IL18RAP: variants seen among roughly 807,000 people sequenced by gnomAD.
The protein encoded by IL18RAP is interleukin-18 receptor accessory protein.
In IL18RAP, 37 loss-of-function variants were observed where a neutral mutation model predicts 58.1. The observed-to-expected ratio is 0.64, with a 90% CI of 0.49 to 0.84. IL18RAP has a LOEUF of 0.84. IL18RAP is among the 40% of genes least tolerant of loss of function. IL18RAP has a pLI of 0.00. For missense variants in IL18RAP, 667 were observed against 704.8 expected (o/e 0.95, Z 0.61); for synonymous variants, 268 against 257.5 (o/e 1.04, Z -0.39).
At chr2:102,445,475 G>A (rs1008684194) in intron 7 of IL18RAP, 135 bp downstream of exon 7, 2 of 893,196 alleles carry the variant, frequency 2.2e-6, no homozygotes, top group Admixed American at 2.6e-5. Flanking sequence ...GCACTTTCCT[G>A]GTGTCAACCC....
In IL18RAP at chr2:102,423,220, A is replaced by C; in HGVS notation, c.-58A>C. ...AGGGCAGAGTTCTGAATCTCAAAAC[A>C]CTCTACTCTGGCAAAGGAATGAAGT... is the stretch of plus-strand genomic sequence containing the variant. On this transcript the variant is annotated 5_prime_UTR_variant, in exon 1 of 10. Coordinates refer to ENST00000687160, the MANE Select transcript of IL18RAP (RefSeq NM_001393487.1). 2 of 1,508,802 alleles carry C rather than the reference A, an allele frequency of 1.3e-6. No homozygotes were observed. The highest frequency in any genetic ancestry group is 1.8e-6 in the Non-Finnish European group (2 of 1,084,404). The allele number at this position is 1,508,802 out of a possible 1,614,324, so 93.5% of individuals were successfully genotyped here.
chr2:102,443,126 G>C (rs542593932), intron 5 of IL18RAP, 74 bp from the exon 6 acceptor site: 40 of 1,465,040 alleles, frequency 2.7e-5, no homozygotes, highest in Admixed American at 4.5e-5. Context: ...TTCTGGCGAC[G>C]TCTTCCTCCC....
At chr2:102,430,356 T>C (rs1208142385) in intron 3 of IL18RAP, among the ~76,000 whole-genome samples, 1 of 152,058 alleles carries the variant, frequency 6.6e-6, no homozygotes. Context: ...GTCTATTTTG[T>C]CTGATATAAG....
chr2:102,430,256 A>G (rs1682247356), intron 3 of IL18RAP, among the ~76,000 whole-genome samples: 1 of 152,168 alleles, frequency 6.6e-6, no homozygotes, highest in South Asian at 2.1e-4. Context: ...GTGCCTATGT[A>G]TCTACAATTG....
At chr2:102,420,705 C>T (rs1330494392), upstream of IL18RAP, among the ~76,000 whole-genome samples, 1 of 152,128 alleles carries the variant, frequency 6.6e-6, no homozygotes, top group East Asian at 1.9e-4. Context: ...ACAAATATCC[C>T]GACTTAAACA....
At chr2:102,421,261 T>C (rs779506220), upstream of IL18RAP, among the ~76,000 whole-genome samples, 1 of 120,760 alleles carries the variant, frequency 8.3e-6, no homozygotes, top group Non-Finnish European at 1.7e-5. Context: ...GCAAGAGAGA[T>C]GGTTGATGGC....
In IL18RAP at chr2:102,441,352, C is replaced by A. The variant is rs781511048; in HGVS notation, c.771C>A (p.Val257=). 5.6e-6 allele frequency: 9 copies of A among 1,613,144 alleles called. No homozygotes were observed. In the South Asian group the frequency reaches 8.8e-5, roughly 16 times the overall value. ...TCAAACCAGATATTCTGGATCCTGT[C>A]GAGGACACACTGGAAGTAGAACTTG... ...TKLKPDILDP[V]EDTLEVELGK... The change falls in exon 5 of 10, where the codon GTC becomes GTA. Residue 257 remains valine, a synonymous_variant. Transcript: ENST00000687160.
rs114939355 is a variant in IL18RAP at position 102,444,725 on chromosome 2, C to T, written c.921-464C>T. On this transcript the variant is annotated intron_variant, in intron 6 of 9. Transcript: ENST00000687160. ...CCATTCCCTGCAGTGTGGTCTGGGGCTACTCACCCACCTTCTTTGCCTTGT... is the reference window on the plus strand; with the variant it reads ...CCATTCCCTGCAGTGTGGTCTGGGGTTACTCACCCACCTTCTTTGCCTTGT... Among the ~76,000 whole-genome samples the T allele has an allele frequency of 2.0e-3, 304 of 152,282 alleles. 1 individual carries two copies. The highest frequency in any genetic ancestry group is 6.8e-3 in the African/African-American group (283 of 41,556).
chr2:102,421,242 A>C (rs144310065), upstream of IL18RAP, among the ~76,000 whole-genome samples: 216 of 151,362 alleles, frequency 1.4e-3, 4 homozygotes, highest in East Asian at 0.035. Context: ...AAGTCATTTA[A>C]AATGAGTAGC....
intron 6 of IL18RAP, among the ~76,000 whole-genome samples, chr2:102,443,777 A>G (rs895618942): frequency 4.6e-5 from 7 of 152,166 alleles, no homozygotes; most frequent in Non-Finnish European, 8.8e-5. Flanking sequence ...GAAGTGAGGA[A>G]TACCTGAAGC....
chr2:102,437,167 T>C (rs184485380), intron 3 of IL18RAP, 45 bp from the exon 4 acceptor site: 20 of 1,570,290 alleles, frequency 1.3e-5, no homozygotes. Flanking sequence ...TTTCATAAAG[T>C]TTTTCTGTGG....
At chr2:102,429,216 C>G (rs1032793524) in intron 3 of IL18RAP, among the ~76,000 whole-genome samples, 1 of 151,686 alleles carries the variant, frequency 6.6e-6, no homozygotes, top group Non-Finnish European at 1.5e-5. Flanking sequence ...ATAAAATTAG[C>G]TTGGAAGTTT....
chr2:102,434,916 T>C (rs1263835151), intron 3 of IL18RAP: 1 of 152,182 alleles, frequency 6.6e-6, no homozygotes, highest in African/African-American at 2.4e-5. Flanking sequence ...AACCATCTGT[T>C]AAATAATTAA....
At chr2:102,425,740 G>C (rs1490925018) in intron 3 of IL18RAP, among the ~76,000 whole-genome samples, 1 of 152,106 alleles carries the variant, frequency 6.6e-6, no homozygotes, top group African/African-American at 2.4e-5. Flanking sequence ...AGATGAAAAT[G>C]TGTTTGGCTT....
At chr2:102,427,211 C>CTT (rs1682004903) in intron 3 of IL18RAP, among the ~76,000 whole-genome samples, 4 of 152,126 alleles carry the variant, frequency 2.6e-5, no homozygotes, top group African/African-American at 9.7e-5. Context: ...CTGCAGTAAG[C>CTT]ATAGGAGCGT....
At chr2:102,432,836 A>T (rs1469541542) in intron 3 of IL18RAP, among the ~76,000 whole-genome samples, 1 of 152,232 alleles carries the variant, frequency 6.6e-6, no homozygotes, top group Non-Finnish European at 1.5e-5. Flanking sequence ...AAAGTGAGTT[A>T]TTTATTATTT....
At position 102,423,350 on chromosome 2, in the gene IL18RAP, AGG is replaced by A. The variant is rs1205704380; in HGVS notation, c.70+6_70+7del. ...AATTAAAGGATTTAATATTTCAGGT[AGG>A]GGTTTTCACTTTTCATGTTAGCACT... On this transcript the variant is annotated splice_donor_5th_base_variant and intron_variant, in intron 1 of 9. Transcript: ENST00000687160. The A allele has an allele frequency of 6.2e-7, 1 of 1,613,050 alleles. No homozygotes were observed. Among genetic ancestry groups the A allele is most frequent in the African/African-American group, 1.3e-5 (1 of 74,890 alleles).
intron 1 of IL18RAP, among the ~76,000 whole-genome samples, 168 bp from the exon 2 acceptor site, chr2:102,423,643 G>A (rs1366294302): frequency 6.6e-6 from 1 of 152,116 alleles, no homozygotes; most frequent in Non-Finnish European, 1.5e-5. Context: ...GGAGTCCACT[G>A]GGAGGGAATT....
In IL18RAP at chr2:102,424,331, C is replaced by A; in HGVS notation, c.496C>A (p.Leu166Ile). ...EYSASHKQDL[L>I]LGSTGSISCP... The stretch of plus-strand genomic sequence containing the variant: ...TTCCGCATCACATAAGCAAGACCTA[C>A]TTCTTGGGAGCACTGGCTCTATTTC... Residue 166 changes from leucine to isoleucine, a missense_variant, in exon 3 of 10, where the codon CTT becomes ATT. Transcript: ENST00000687160. 1 of 1,614,082 alleles carries A rather than the reference C, an allele frequency of 6.2e-7. No individual in the cohort carries two copies. The highest frequency in any genetic ancestry group is 8.5e-7 in the Non-Finnish European group (1 of 1,179,970).
Sources: gnomAD v4.1 joint callset for allele counts (sites outside exome capture counted in the v4.1 genomes callset) on GRCh38, gnomAD v4.1.1 for gene constraint, MANE v1.5 for transcripts, NCBI Gene and HGNC (gene_info 2026-07-23, HGNC 2026-07-21) for gene names.